The following FER1L6 variants were observed in gnomAD, a reference collection of about 807,000 sequenced individuals.
FER1L6 encodes fer-1 like family member 6, also known as fer-1-like protein 6.
Under a neutral mutation model 219.2 loss-of-function variants are expected in FER1L6, and 177 were observed. That is an observed-to-expected ratio of 0.81 (90% CI 0.71 to 0.91). The LOEUF is 0.91. Ranked by LOEUF, FER1L6 falls within the 40% of genes least tolerant of loss-of-function variation. FER1L6 has a pLI of 0.00. For synonymous variants in FER1L6, 768 were observed against 824.3 expected, an observed-to-expected ratio of 0.93 and a Z score of 1.17; for missense variants, 2,153 against 2,259.9, an observed-to-expected ratio of 0.95 and a Z score of 0.96.
At chr8:123,895,842 C>A (rs901270597) in intron 1 of FER1L6, among the ~76,000 whole-genome samples, 2 of 152,100 alleles carry the variant, frequency 1.3e-5, no homozygotes, top group Non-Finnish European at 2.9e-5. Context: ...TAACAAGATA[C>A]GCAGAGTCAA....
At chr8:123,970,575 A>G (rs1259775372) in intron 6 of FER1L6, among the ~76,000 whole-genome samples, 3 of 152,178 alleles carry the variant, frequency 2.0e-5, no homozygotes, top group Non-Finnish European at 2.9e-5. Flanking sequence ...CATCAATGGT[A>G]ATGTTGGATC....
chr8:123,963,269 C>A lies in FER1L6; in HGVS notation c.77-9C>A, dbSNP rs139440815. On this transcript the variant is annotated splice_polypyrimidine_tract_variant and intron_variant, in intron 2 of 40. Coordinates refer to ENST00000522917, the MANE Select transcript of FER1L6 (RefSeq NM_001039112.2). ...TCACAGGATTTTCTTCCTTTGTTTG[C>A]TTCTCCAGATAGTCAAGGTGACACT... 8.1e-5 allele frequency: 130 copies of A among 1,613,614 alleles called. No individual in the cohort carries two copies. In the African/African-American group the frequency reaches 1.5e-3, roughly 18 times the overall value.
intron 2 of FER1L6, among the ~76,000 whole-genome samples, chr8:123,958,233 G>A (rs1263761923): frequency 6.6e-6 from 1 of 152,208 alleles, no homozygotes; most frequent in Non-Finnish European, 1.5e-5. Context: ...GGGGAGGACA[G>A]CTCTGTTCAG....
At chr8:124,100,670 C>A (rs1230033855) in intron 37 of FER1L6, among the ~76,000 whole-genome samples, 1 of 152,180 alleles carries the variant, frequency 6.6e-6, no homozygotes, top group South Asian at 2.1e-4. Flanking sequence ...GCATGCCTGA[C>A]AGCACAGGTC....
At chr8:124,052,875 T>TAA (rs1475616355) in intron 22 of FER1L6, among the ~76,000 whole-genome samples, 1 of 152,218 alleles carries the variant, frequency 6.6e-6, no homozygotes, top group Non-Finnish European at 1.5e-5. Flanking sequence ...GTTTTCTTTT[T>TAA]AAAGTGACTT....
At chr8:123,927,094 C>G (rs2129886961) in intron 1 of FER1L6, among the ~76,000 whole-genome samples, 1 of 150,664 alleles carries the variant, frequency 6.6e-6, no homozygotes, top group Non-Finnish European at 1.5e-5. Context: ...AACATTGGTG[C>G]TAGTAAGAAC....
intron 2 of FER1L6, among the ~76,000 whole-genome samples, chr8:123,960,890 A>T (rs929172237): frequency 6.6e-6 from 1 of 152,144 alleles, no homozygotes; most frequent in Non-Finnish European, 1.5e-5. Flanking sequence ...AGAATATCAC[A>T]CATTGCTACT....
intron 1 of FER1L6, among the ~76,000 whole-genome samples, chr8:123,947,666 G>T (rs569944635): frequency 6.6e-6 from 1 of 152,296 alleles, no homozygotes; most frequent in East Asian, 1.9e-4. Context: ...TGTAAACTAG[G>T]CATGATTGTT....
chr8:124,060,803 GAATT>G lies in FER1L6; in HGVS notation c.3147+99_3147+102del. On this transcript the variant is annotated intron_variant, in intron 24 of 40. Transcript: ENST00000522917. ...TCAGATGTCCACTAGCTGCGAGAAA[GAATT>G]AATTTAGTGAAAAGCCAGAATTTCA... The G allele has an allele frequency of 2.9e-6, 4 of 1,364,224 alleles. No individual in the cohort carries two copies. The East Asian group carries it at 9.4e-5, about 32-fold the overall frequency. The allele number at this position is 1,364,224 out of a possible 1,614,324, so 84.5% of individuals were successfully genotyped here.
intron 1 of FER1L6, among the ~76,000 whole-genome samples, chr8:123,935,268 T>C (rs545298472): frequency 6.6e-6 from 1 of 152,324 alleles, no homozygotes; most frequent in East Asian, 1.9e-4. Context: ...CTTATTTATT[T>C]TGATAATCAA....
At chr8:124,099,902 T>A (rs528503067) in intron 37 of FER1L6, among the ~76,000 whole-genome samples, 97 of 152,224 alleles carry the variant, frequency 6.4e-4, no homozygotes, top group African/African-American at 2.1e-3. Flanking sequence ...TGCACATCTC[T>A]CTCTAGTGAC....
chr8:123,936,911 AT>A (rs959956976), intron 1 of FER1L6, among the ~76,000 whole-genome samples: 6 of 151,608 alleles, frequency 4.0e-5, no homozygotes, highest in African/African-American at 9.7e-5. Context: ...GTTAAAGAAC[AT>A]TTTTTTTTGT....
chr8:123,884,413 C>T (rs1817163506), intron 1 of FER1L6, among the ~76,000 whole-genome samples: 1 of 152,224 alleles, frequency 6.6e-6, no homozygotes, highest in South Asian at 2.1e-4. Context: ...CACAGCCCTT[C>T]CCCAGTGTCC....
intron 1 of FER1L6, among the ~76,000 whole-genome samples, chr8:123,878,790 T>G (rs1817056773): frequency 6.6e-6 from 1 of 152,256 alleles, no homozygotes; most frequent in Non-Finnish European, 1.5e-5. Flanking sequence ...TGTATTTATT[T>G]TAAAAGAAAA....
chr8:123,942,903 T>C (rs1391188046), intron 1 of FER1L6, among the ~76,000 whole-genome samples: 1 of 152,210 alleles, frequency 6.6e-6, no homozygotes, highest in Admixed American at 6.5e-5. Context: ...TATTCATTTT[T>C]CTCCCTGACA....
intron 30 of FER1L6, among the ~76,000 whole-genome samples, chr8:124,071,295 G>A (rs1821059905): frequency 6.6e-6 from 1 of 152,180 alleles, no homozygotes; most frequent in East Asian, 1.9e-4. Flanking sequence ...GGTTGTTAAT[G>A]TACAATGCCA....
At chr8:124,048,784 G>T (rs1819851378) in intron 21 of FER1L6, among the ~76,000 whole-genome samples, 2 of 152,210 alleles carry the variant, frequency 1.3e-5, no homozygotes, top group African/African-American at 4.8e-5. Flanking sequence ...GCTGGCCCAA[G>T]GGCATAGAAC....
At chr8:124,066,291 G>T (rs1398715125) in intron 26 of FER1L6, 137 bp from the exon 27 acceptor site, 23 of 862,256 alleles carry the variant, frequency 2.7e-5, no homozygotes, top group Non-Finnish European at 4.0e-5. Context: ...ACAGAGAGCT[G>T]CTATCACAAA....
chr8:124,096,150 A>G (rs1047036104), intron 35 of FER1L6, among the ~76,000 whole-genome samples: 4 of 152,238 alleles, frequency 2.6e-5, no homozygotes, highest in Admixed American at 2.0e-4. Context: ...CAGATGTAGA[A>G]GCTTATGATT....
Sources: allele counts gnomAD v4.1 joint callset (sites outside exome capture counted in the v4.1 genomes callset), GRCh38; gene constraint gnomAD v4.1.1; transcripts MANE v1.5; gene names NCBI Gene and HGNC (gene_info 2026-07-23, HGNC 2026-07-21).